The following HP1BP3 variants were observed in gnomAD, a reference collection of about 807,000 sequenced individuals.
HP1BP3 encodes heterochromatin protein 1 binding protein 3, also known as heterochromatin protein 1-binding protein 3.
A neutral mutation model predicts 62.5 loss-of-function variants in HP1BP3; 12 were observed. The ratio of observed to expected loss-of-function variants is 0.19; its 90% CI spans 0.12 to 0.31. HP1BP3 has a LOEUF of 0.31. Among genes scored for constraint, HP1BP3 ranks in the 10% least tolerant of loss-of-function variants. HP1BP3 has a pLI of 1.00. For missense variants in HP1BP3, 502 were observed against 651.8 expected (o/e 0.77, Z 2.50); for synonymous variants, 260 against 237.8 (o/e 1.09, Z -0.86).
rs552202112 is a variant in HP1BP3 at position 20,760,118 on chromosome 1, A to C, written c.891-2862T>G. On this transcript the variant is annotated intron_variant, in intron 8 of 12. Coordinates refer to ENST00000438032, the MANE Select transcript of HP1BP3 (RefSeq NM_001372052.1). ...TGGCCAGGAAGGTCTCCAACTCTTG[A>C]CCTTGTGATCCACCCGCCTCAGACT... 3.4e-4 allele frequency among the ~76,000 whole-genome samples: 51 copies of C among 152,010 alleles called. 1 individual carries two copies. Among genetic ancestry groups the C allele is most frequent in the African/African-American group, 1.2e-3 (49 of 41,472 alleles).
Position 20,767,629 on chromosome 1 carries a change from C to A in HP1BP3, c.690G>T (p.Val230=), listed in dbSNP as rs2056849687. ...KGKGASGSFV[V]VQKSRKTPQK... The stretch of plus-strand genomic sequence containing the variant: ...GAGGTGTTTTTCTTGATTTCTGAAC[C>A]ACAACAAAACTTCCAGAAGCACCTT... The change falls in exon 7 of 13, where the codon GTG becomes GTT. Residue 230 remains valine (V), a synonymous_variant. Coordinates refer to ENST00000438032, the MANE Select transcript of HP1BP3 (RefSeq NM_001372052.1). 2.5e-6 allele frequency: 4 copies of A among 1,610,658 alleles called. No homozygotes were observed. The highest frequency in any genetic ancestry group is 3.4e-6 in the Non-Finnish European group (4 of 1,178,754).
At position 20,773,528 on chromosome 1, in the gene HP1BP3, C is replaced by T. The variant is rs1455036902; in HGVS notation, c.433G>A (p.Ala145Thr). ...ATCGGTGTTTGTTTCTGGGCCCTGG[C>T]TAGCTGGCTGGCAGAAAGGGTAGCC... ...SWATLSASQL[A>T]RAQKQTPMAS... Residue 145 changes from alanine to threonine, a missense_variant, in exon 5 of 13, where the codon GCC becomes ACC. Transcript: ENST00000438032. The T allele has an allele frequency of 6.2e-7, 1 of 1,611,384 alleles. No individual in the cohort carries two copies. Among genetic ancestry groups the T allele is most frequent in the African/African-American group, 1.3e-5 (1 of 74,828 alleles).
chr1:20,761,885 G>A (rs1323471794), intron 8 of HP1BP3, among the ~76,000 whole-genome samples: 3 of 152,206 alleles, frequency 2.0e-5, no homozygotes, highest in Non-Finnish European at 4.4e-5. Context: ...AAGCAGGTAG[G>A]AGTCATCAAC....
At chr1:20,767,948 A>G (rs1486831808) in intron 6 of HP1BP3, among the ~76,000 whole-genome samples, 4 of 152,216 alleles carry the variant, frequency 2.6e-5, no homozygotes, top group African/African-American at 9.6e-5. Context: ...CACGTTAAAC[A>G]GTTTATTAAA....
chr1:20,773,486 G>A lies in HP1BP3; in HGVS notation c.475C>T (p.Pro159Ser). ...KQTPMASSPRPKMDAILTEAI... is the reference protein window; with the variant it reads ...KQTPMASSPRSKMDAILTEAI... ...TCAGTTAAGATTGCATCCATCTTGGGACGTGGGGAAGAAGCCATCGGTGTT... is the reference window on the plus strand; with the variant it reads ...TCAGTTAAGATTGCATCCATCTTGGAACGTGGGGAAGAAGCCATCGGTGTT... Residue 159 changes from proline (P) to serine (S), a missense_variant, in exon 5 of 13, where the codon CCC becomes TCC. Pro to Ser is a moderately conservative substitution (Grantham distance 74). Around this residue, in one of 5 missense-constraint regions of HP1BP3, gnomAD observed 25 missense variants for 22.5 expected, o/e 1.11. Coordinates refer to ENST00000438032, the MANE Select transcript of HP1BP3 (RefSeq NM_001372052.1). 5 of 1,613,066 alleles carry A rather than the reference G, an allele frequency of 3.1e-6. No individual in the cohort carries two copies. Among genetic ancestry groups the A allele is most frequent in the Non-Finnish European group, 4.2e-6 (5 of 1,179,428 alleles).
intron 1 of HP1BP3, among the ~76,000 whole-genome samples, chr1:20,785,555 C>G (rs185971247): frequency 6.6e-6 from 1 of 152,294 alleles, no homozygotes; most frequent in East Asian, 1.9e-4. Flanking sequence ...TTTTCATTTT[C>G]AAATGTAAGT....
intron 1 of HP1BP3, among the ~76,000 whole-genome samples, chr1:20,784,925 CTTAAA>C (rs1262665718): frequency 6.6e-6 from 1 of 152,146 alleles, no homozygotes; most frequent in Non-Finnish European, 1.5e-5. Context: ...AAGGGAAATG[CTTAAA>C]TTAAATCGGT....
chr1:20,754,047 G>A (rs1325446299), intron 9 of HP1BP3, among the ~76,000 whole-genome samples: 1 of 152,162 alleles, frequency 6.6e-6, no homozygotes. Context: ...AAGACATCCA[G>A]ACTAGAAACA....
At chr1:20,781,406 G>A (rs182192099) in intron 1 of HP1BP3, among the ~76,000 whole-genome samples, 2 of 152,308 alleles carry the variant, frequency 1.3e-5, no homozygotes, top group Non-Finnish European at 2.9e-5. Context: ...AACTTGGCAA[G>A]TAACAGTCCC....
At chr1:20,774,236 G>C (rs2057190800) in intron 4 of HP1BP3, 1 of 152,168 alleles carries the variant, frequency 6.6e-6, no homozygotes, top group African/African-American at 2.4e-5. Context: ...GGGTGCAGTG[G>C]CTCATGCCTG....
At chr1:20,778,918 T>C (rs1308087107) in intron 3 of HP1BP3, among the ~76,000 whole-genome samples, 1 of 151,930 alleles carries the variant, frequency 6.6e-6, no homozygotes, top group Admixed American at 6.6e-5. Context: ...GCCTCCTGAG[T>C]AGCAGGGATT....
chr1:20,749,215 C>T (rs1349348500), intron 10 of HP1BP3, among the ~76,000 whole-genome samples: 2 of 151,962 alleles, frequency 1.3e-5, no homozygotes, highest in Non-Finnish European at 2.9e-5. Context: ...TAAGCAGATG[C>T]TTTAAATTAA....
chr1:20,776,388 A>T, intron 4 of HP1BP3: 1 of 488,046 alleles, frequency 2.0e-6, no homozygotes, highest in Admixed American at 3.9e-5. Context: ...CTTTTGGATT[A>T]TTCAAACCAT....
intron 3 of HP1BP3, among the ~76,000 whole-genome samples, chr1:20,778,889 A>C (rs956725428): frequency 6.6e-5 from 10 of 151,740 alleles, no homozygotes; most frequent in African/African-American, 2.4e-4. Context: ...TCCTGGGCTC[A>C]AGCAATTCTT....
chr1:20,754,482 T>G (rs2055976278), intron 9 of HP1BP3, among the ~76,000 whole-genome samples: 1 of 151,862 alleles, frequency 6.6e-6, no homozygotes, highest in Non-Finnish European at 1.5e-5. Context: ...TTTTTTTTTT[T>G]GGCAGAAATG....
intron 9 of HP1BP3, among the ~76,000 whole-genome samples, chr1:20,756,602 C>T (rs2056124646): frequency 6.6e-6 from 1 of 152,072 alleles, no homozygotes. Flanking sequence ...AGGGGGAGGA[C>T]AGCTATTTTT....
intron 1 of HP1BP3, chr1:20,786,326 G>C (rs2057827559): frequency 6.6e-6 from 1 of 152,326 alleles, no homozygotes; most frequent in South Asian, 2.1e-4. Context: ...CACCGGGGGA[G>C]CGAGACTCAA....
At position 20,744,933 on chromosome 1, in the gene HP1BP3, G is replaced by T. The variant is rs750192662; in HGVS notation, c.1526C>A (p.Thr509Asn). 2 of 1,614,042 alleles carry T rather than the reference G, an allele frequency of 1.2e-6. No individual in the cohort carries two copies. Among genetic ancestry groups the T allele is most frequent in the Non-Finnish European group, 1.7e-6 (2 of 1,180,038 alleles). Reference protein sequence around the residue: ...PPKAKTPAKKTRPSSTVIKKP... With the variant: ...PPKAKTPAKKNRPSSTVIKKP... Reference sequence around the variant, plus strand: ...CTTGATGACTGTGGATGAGGGTCTGGTCTTCTTGGCAGGCGTTTTGGCCTT... The same window carrying T: ...CTTGATGACTGTGGATGAGGGTCTGTTCTTCTTGGCAGGCGTTTTGGCCTT... The change falls in exon 13 of 13, where the codon ACC becomes AAC. Residue 509 changes from threonine to asparagine, a missense_variant. Physicochemically the swap from Thr to Asn is moderately conservative, Grantham distance 65 (BLOSUM62 0). Around this residue, in one of 5 missense-constraint regions of HP1BP3, gnomAD observed 194 missense variants for 207.0 expected, o/e 0.94. Coordinates refer to ENST00000438032, the MANE Select transcript of HP1BP3 (RefSeq NM_001372052.1).
At chr1:20,781,775 C>T (rs1407026181) in intron 1 of HP1BP3, among the ~76,000 whole-genome samples, 3 of 152,076 alleles carry the variant, frequency 2.0e-5, no homozygotes, top group African/African-American at 7.2e-5. Flanking sequence ...TACAGGCATG[C>T]GCCACCATGC....
Sources: allele counts gnomAD v4.1 joint callset (sites outside exome capture counted in the v4.1 genomes callset), GRCh38; gene constraint gnomAD v4.1.1; regional missense constraint gnomAD v4.1.1; transcripts MANE v1.5; gene names NCBI Gene and HGNC (gene_info 2026-07-23, HGNC 2026-07-21).